Variants in LAMA2 observed in about 807,000 individuals in gnomAD.
LAMA2 encodes the protein laminin subunit alpha 2.
A neutral mutation model predicts 364.8 loss-of-function variants in LAMA2; 269 were observed. The ratio of observed to expected loss-of-function variants is 0.74; its 90% confidence interval spans 0.67 to 0.82. The LOEUF is 0.82. Ranked by LOEUF, LAMA2 falls within the 40% of genes least tolerant of loss-of-function variation. The probability of loss-of-function intolerance (pLI) is 0.00; values close to 1 mark genes in which losing one functional copy is unlikely to be tolerated. For missense variants in LAMA2, 3,807 were observed against 3,873.2 expected (o/e 0.98, Z 0.45); for synonymous variants, 1,379 against 1,370.6 (o/e 1.01, Z -0.14).
At chr6:129,207,379 A>C (rs1782746970) in intron 12 of LAMA2, among the ~76,000 whole-genome samples, 1 of 152,148 alleles carries the variant, frequency 6.6e-6, no homozygotes, top group South Asian at 2.1e-4. Flanking sequence ...TGGTTAAGTA[A>C]AATTTCAGAA....
Position 129,353,228 on chromosome 6 carries a change from G to T in LAMA2, c.4588G>T (p.Asp1530Tyr). 6.2e-7 allele frequency: 1 copy of T among 1,614,108 alleles called. No homozygotes were observed. Among genetic ancestry groups the T allele is most frequent in the Middle Eastern group, 1.7e-4 (1 of 6,058 alleles). The change falls in exon 32 of 65, where the codon GAT (aspartate) becomes TAT (tyrosine). Residue 1530 changes from aspartate (D) to tyrosine (Y), a missense_variant. Physicochemically the swap from Asp to Tyr is radical, Grantham distance 160 (BLOSUM62 -3). Transcript: ENST00000421865. ...PGGSCQECECDPYGSLPVPCD... is the reference protein window; with the variant it reads ...PGGSCQECECYPYGSLPVPCD... ...AGGCTCCTGCCAAGAATGTGAGTGT[G>T]ATCCCTATGGCTCACTGCCTGTGCC...
intron 51 of LAMA2, among the ~76,000 whole-genome samples, chr6:129,469,884 A>G (rs912717591): frequency 6.6e-6 from 1 of 151,934 alleles, no homozygotes; most frequent in African/African-American, 2.4e-5. Flanking sequence ...AAAATTACAT[A>G]GAAAATGTAA....
intron 21 of LAMA2, 83 bp from the exon 22 acceptor site, chr6:129,300,653 C>G: frequency 7.1e-7 from 1 of 1,410,830 alleles, no homozygotes; most frequent in South Asian, 1.2e-5. Flanking sequence ...ATAAGACAAA[C>G]CAACACAATA....
chr6:129,405,141 T>C (rs1428582765), intron 40 of LAMA2, among the ~76,000 whole-genome samples: 1 of 152,150 alleles, frequency 6.6e-6, no homozygotes, highest in African/African-American at 2.4e-5. Flanking sequence ...TTAAAGACCC[T>C]AATTTCAAGT....
intron 22 of LAMA2, among the ~76,000 whole-genome samples, chr6:129,302,691 A>AC (rs1773621466): frequency 6.6e-6 from 1 of 151,996 alleles, no homozygotes; most frequent in African/African-American, 2.4e-5. Context: ...TGGATACCCA[A>AC]TTTTTCAAAC....
chr6:129,503,466 A>G (rs566828281), intron 60 of LAMA2, among the ~76,000 whole-genome samples, 186 bp downstream of exon 60: 1 of 152,300 alleles, frequency 6.6e-6, no homozygotes, highest in East Asian at 1.9e-4. Flanking sequence ...GTAGGTTTGC[A>G]TTTGACCACT....
intron 12 of LAMA2, among the ~76,000 whole-genome samples, chr6:129,234,552 TAAG>T (rs1274841621): frequency 2.0e-5 from 3 of 152,194 alleles, no homozygotes; most frequent in African/African-American, 4.8e-5. Flanking sequence ...TTTTTCATAA[TAAG>T]AAATCCATTA....
chr6:129,179,155 T>G (rs1017699230), intron 10 of LAMA2, among the ~76,000 whole-genome samples: 2 of 152,116 alleles, frequency 1.3e-5, no homozygotes, highest in Admixed American at 1.3e-4. Context: ...CCTCTCCATC[T>G]TGTATGTCTC....
intron 61 of LAMA2, 135 bp downstream of exon 61, chr6:129,505,490 GA>G: frequency 1.4e-6 from 1 of 721,578 alleles, no homozygotes; most frequent in Non-Finnish European, 2.4e-6. Context: ...ATAAGGGACA[GA>G]AGGGTTTGTT....
At chr6:129,352,495 C>T (rs1776906768) in intron 31 of LAMA2, among the ~76,000 whole-genome samples, 1 of 152,142 alleles carries the variant, frequency 6.6e-6, no homozygotes, top group African/African-American at 2.4e-5. Flanking sequence ...TAAAAGTAAA[C>T]AGAAAATCTG....
intron 1 of LAMA2, among the ~76,000 whole-genome samples, chr6:129,022,464 T>C (rs1785506187): frequency 1.3e-5 from 2 of 152,338 alleles, no homozygotes; most frequent in African/African-American, 4.8e-5. Flanking sequence ...CTCAGTGATA[T>C]GCATGTTATA....
At position 129,514,050 on chromosome 6, in the gene LAMA2, A is replaced by T. The variant is rs111691228; in HGVS notation, c.8989-323A>T. 7.1e-3 allele frequency among the ~76,000 whole-genome samples: 1,076 copies of T among 152,246 alleles called. 7 individuals are homozygous for T. Among genetic ancestry groups the T allele is most frequent in the Non-Finnish European group, 0.01 (686 of 68,010 alleles). On this transcript the variant is annotated intron_variant, in intron 63 of 64. Coordinates refer to ENST00000421865, the MANE Select transcript of LAMA2 (RefSeq NM_000426.4). The stretch of plus-strand genomic sequence containing the variant: ...ACATTCTAAAAAGACGTGAGGTAGA[A>T]TTTTTCCCTGTGTACACTAGGTCCT...
intron 8 of LAMA2, among the ~76,000 whole-genome samples, chr6:129,163,500 G>A (rs191510887): frequency 3.9e-5 from 6 of 152,222 alleles, no homozygotes; most frequent in Admixed American, 2.6e-4. Context: ...CAGGCATGGT[G>A]GCAGGCACCT....
rs1046382990 is a variant in LAMA2 at position 129,119,410 on chromosome 6, G to A, written c.639+20995G>A. Among the ~76,000 whole-genome samples the A allele has an allele frequency of 3.3e-5, 5 of 151,950 alleles. No individual in the cohort carries two copies. In the East Asian group the frequency reaches 7.7e-4, roughly 24 times the overall value. On this transcript the variant is annotated intron_variant, in intron 4 of 64. Coordinates refer to ENST00000421865, the MANE Select transcript of LAMA2 (RefSeq NM_000426.4). ...TATTTCTAACTTTTCTTGATTATAAGCAATGTTGTAATGACTATCTTGTAC... is the reference window on the plus strand; with the variant it reads ...TATTTCTAACTTTTCTTGATTATAAACAATGTTGTAATGACTATCTTGTAC...
intron 3 of LAMA2, among the ~76,000 whole-genome samples, chr6:129,067,922 G>A (rs1216539564): frequency 6.6e-6 from 1 of 152,162 alleles, no homozygotes; most frequent in Non-Finnish European, 1.5e-5. Context: ...CTCCCAGCCT[G>A]TCCACTTCCT....
At chr6:129,299,993 A>G (rs1259704300) in intron 21 of LAMA2, among the ~76,000 whole-genome samples, 3 of 152,204 alleles carry the variant, frequency 2.0e-5, no homozygotes, top group South Asian at 2.1e-4. Flanking sequence ...AGCTGGGTCA[A>G]CTGCCGCTAT....
At chr6:129,252,025 CACTTTTGTACCCTCTTTTCAGTTTT>C in intron 13 of LAMA2, 34 bp from the exon 14 acceptor site, 1 of 1,106,340 alleles carries the variant, frequency 9.0e-7, no homozygotes, top group East Asian at 2.4e-5. Flanking sequence ...ATATGTTTGA[CACTTTTGTACCCTCTTTTCAGTTTT>C]ACTCTTTTTT....
intron 19 of LAMA2, among the ~76,000 whole-genome samples, chr6:129,290,472 TTTTG>T (rs1315917256): frequency 6.6e-6 from 1 of 152,168 alleles, no homozygotes; most frequent in Non-Finnish European, 1.5e-5. Context: ...AAAGCAGTTC[TTTTG>T]TTTGTTTATT....
chr6:129,449,516 G>A (rs1328223472), intron 45 of LAMA2, among the ~76,000 whole-genome samples: 5 of 152,056 alleles, frequency 3.3e-5, no homozygotes, highest in East Asian at 3.9e-4. Context: ...TTCCCAAAAG[G>A]CCCCCCTCCC....
Sources: allele counts gnomAD v4.1 joint callset (sites outside exome capture counted in the v4.1 genomes callset), GRCh38; gene constraint gnomAD v4.1.1; transcripts MANE v1.5; gene names NCBI Gene and HGNC (gene_info 2026-07-23, HGNC 2026-07-21).